Variants in DIPK1A observed in about 807,000 individuals in gnomAD.
The protein encoded by DIPK1A is divergent protein kinase domain 1A.
In DIPK1A, 27 loss-of-function variants were observed where a neutral mutation model predicts 40.8. The observed-to-expected ratio is 0.66, with a 90% CI of 0.49 to 0.91. The LOEUF is 0.91. Ranked by LOEUF, DIPK1A falls within the 40% of genes least tolerant of loss-of-function variation. DIPK1A has a pLI of 0.00. For synonymous variants in DIPK1A, 166 were observed against 171.3 expected (o/e 0.97, Z 0.24); for missense variants, 412 against 505.7 (o/e 0.81, Z 1.78).
intron 2 of DIPK1A, among the ~76,000 whole-genome samples, chr1:92,854,578 C>T (rs1687923739): frequency 6.6e-6 from 1 of 152,244 alleles, no homozygotes; most frequent in Admixed American, 6.5e-5. Flanking sequence ...CACCAAGGCA[C>T]TGTTGCCCTT....
At chr1:92,954,117 C>T (rs921195298) in intron 1 of DIPK1A, among the ~76,000 whole-genome samples, 6 of 151,898 alleles carry the variant, frequency 4.0e-5, no homozygotes, top group African/African-American at 1.5e-4. Flanking sequence ...TCGCATACTT[C>T]GTAGATTAAA....
At chr1:92,897,519 G>A (rs1328680134) in intron 1 of DIPK1A, among the ~76,000 whole-genome samples, 1 of 152,116 alleles carries the variant, frequency 6.6e-6, no homozygotes, top group Non-Finnish European at 1.5e-5. Flanking sequence ...GGTGGGCGGA[G>A]GGGGGAGGGA....
At chr1:92,945,688 A>G (rs1651332989) in intron 1 of DIPK1A, among the ~76,000 whole-genome samples, 1 of 152,198 alleles carries the variant, frequency 6.6e-6, no homozygotes, top group Non-Finnish European at 1.5e-5. Context: ...AATGATACCT[A>G]GTTCCTTCCT....
At chr1:92,866,486 T>C (rs1284147505) in intron 2 of DIPK1A, among the ~76,000 whole-genome samples, 1 of 152,250 alleles carries the variant, frequency 6.6e-6, no homozygotes, top group Non-Finnish European at 1.5e-5. Context: ...TCATAGATCC[T>C]TTCTTTCTTT....
intron 1 of DIPK1A, among the ~76,000 whole-genome samples, chr1:92,881,297 T>C (rs72968080): frequency 0.028 from 4,087 of 147,992 alleles, 216 homozygotes; most frequent in African/African-American, 0.097. Context: ...ACACAAATGT[T>C]CTTAATTTTG....
chr1:92,961,342 C>T, intron 1 of DIPK1A, 34 bp downstream of exon 1: 1 of 1,477,992 alleles, frequency 6.8e-7, no homozygotes, highest in South Asian at 1.2e-5. Flanking sequence ...GCCGGGTGCT[C>T]CCGCAGCTGG....
chr1:92,925,567 C>T (rs1289241163), intron 1 of DIPK1A, among the ~76,000 whole-genome samples: 1 of 152,046 alleles, frequency 6.6e-6, no homozygotes, highest in Non-Finnish European at 1.5e-5. Flanking sequence ...GATCTCGGCT[C>T]ACTGCAACCT....
At chr1:92,949,868 C>A (rs1483381840) in intron 1 of DIPK1A, among the ~76,000 whole-genome samples, 1 of 152,170 alleles carries the variant, frequency 6.6e-6, no homozygotes. Context: ...TGTATCTTTA[C>A]AATTATGTAT....
rs570660457 is a variant in DIPK1A at position 92,879,607 on chromosome 1, T to C, written c.55-3177A>G. Among the ~76,000 whole-genome samples the C allele has an allele frequency of 4.6e-5, 7 of 152,290 alleles. No homozygotes were observed. In the South Asian group the frequency reaches 1.5e-3, roughly 32 times the overall value. On this transcript the variant is annotated intron_variant, in intron 1 of 4. Coordinates refer to ENST00000370310, the MANE Select transcript of DIPK1A (RefSeq NM_001006605.5). ...GACACCTTTTTCTTTCAGCATGCCATTGAGAATTGCTGTGATTTGGGGGTA... is the reference window on the plus strand; with the variant it reads ...GACACCTTTTTCTTTCAGCATGCCACTGAGAATTGCTGTGATTTGGGGGTA...
rs573799281 is a variant in DIPK1A at position 92,944,940 on chromosome 1, GAC to G, written c.54+16434_54+16435del. On this transcript the variant is annotated intron_variant, in intron 1 of 4. Transcript: ENST00000370310. ...GGGTGAGCCACTGTGCCTGGCCAAA[GAC>G]AGTTTTAGACATGAAAGCACTCGAA... 1.8e-3 allele frequency among the ~76,000 whole-genome samples: 273 copies of G among 152,188 alleles called. 1 individual carries two copies. Among genetic ancestry groups the G allele is most frequent in the Non-Finnish European group, 3.4e-3 (229 of 68,008 alleles).
intron 1 of DIPK1A, among the ~76,000 whole-genome samples, chr1:92,945,689 G>A (rs1267382297): frequency 1.3e-5 from 2 of 152,102 alleles, no homozygotes; most frequent in Non-Finnish European, 2.9e-5. Context: ...ATGATACCTA[G>A]TTCCTTCCTG....
At chr1:92,934,952 C>G (rs1650892585) in intron 1 of DIPK1A, among the ~76,000 whole-genome samples, 1 of 152,168 alleles carries the variant, frequency 6.6e-6, no homozygotes, top group South Asian at 2.1e-4. Context: ...GAATATTAGG[C>G]ACAGATCATT....
intron 1 of DIPK1A, among the ~76,000 whole-genome samples, chr1:92,918,720 A>T (rs192520964): frequency 6.6e-6 from 1 of 152,108 alleles, no homozygotes; most frequent in Non-Finnish European, 1.5e-5. Context: ...GCAGTCCCCA[A>T]ACTTTTTCAC....
chr1:92,864,477 C>G (rs1181722078), intron 2 of DIPK1A, among the ~76,000 whole-genome samples: 2 of 152,142 alleles, frequency 1.3e-5, no homozygotes, highest in African/African-American at 4.8e-5. Context: ...TTAGAACTTG[C>G]TTGCATAGAG....
chr1:92,892,572 A>G (rs963171160), intron 1 of DIPK1A, among the ~76,000 whole-genome samples: 1 of 152,194 alleles, frequency 6.6e-6, no homozygotes, highest in East Asian at 1.9e-4. Context: ...AGAAAAACTG[A>G]AAATTCTAAA....
At chr1:92,960,561 A>C (rs1283858735) in intron 1 of DIPK1A, among the ~76,000 whole-genome samples, 1 of 152,174 alleles carries the variant, frequency 6.6e-6, no homozygotes, top group African/African-American at 2.4e-5. Context: ...ACACTTAGGC[A>C]GTAGTAGGGT....
At chr1:92,850,727 A>C in intron 3 of DIPK1A, 121 bp downstream of exon 3, 1 of 634,124 alleles carries the variant, frequency 1.6e-6, no homozygotes, top group South Asian at 2.1e-5. Context: ...AAAGCATACA[A>C]AATTGAAATA....
At chr1:92,833,655 T>A (rs1456810271) in intron 4 of DIPK1A, 1 of 1,610,274 alleles carries the variant, frequency 6.2e-7, no homozygotes, top group Non-Finnish European at 8.5e-7. Flanking sequence ...AGATATCATT[T>A]GTCAGGTAAG....
chr1:92,836,021 T>TA (rs912957957), intron 4 of DIPK1A, among the ~76,000 whole-genome samples: 37 of 152,178 alleles, frequency 2.4e-4, no homozygotes, highest in African/African-American at 8.4e-4. Context: ...GTTTTTTTTT[T>TA]AAATAGCATT....
Sources: allele counts gnomAD v4.1 joint callset (sites outside exome capture counted in the v4.1 genomes callset), GRCh38; gene constraint gnomAD v4.1.1; transcripts MANE v1.5; gene names NCBI Gene and HGNC (gene_info 2026-07-23, HGNC 2026-07-21).